Variants in PALM2AKAP2 observed in about 807,000 individuals in gnomAD.
The protein encoded by PALM2AKAP2 is PALM2 and AKAP2 fusion, also known as PALM2-AKAP2 fusion protein.
A neutral mutation model predicts 71.5 loss-of-function variants in PALM2AKAP2; 37 were observed. That is an observed-to-expected ratio of 0.52 (90% CI 0.40 to 0.68). The LOEUF (loss-of-function observed/expected upper bound fraction) is 0.68. Ranked by LOEUF, PALM2AKAP2 falls within the 30% of genes least tolerant of loss-of-function variation. The pLI is 0.00. For synonymous variants in PALM2AKAP2, 468 were observed against 478.8 expected (o/e 0.98, Z 0.29); for missense variants, 1,224 against 1,191.8 (o/e 1.03, Z -0.40).
chr9:110,102,218 C>T (rs1399613419), intron 1 of PALM2AKAP2, among the ~76,000 whole-genome samples: 1 of 152,150 alleles, frequency 6.6e-6, no homozygotes, highest in Non-Finnish European at 1.5e-5. Context: ...TTTCAGCCTC[C>T]ATTGCTAATC....
At chr9:109,767,125 C>T (rs1829166639) in intron 1 of PALM2AKAP2, among the ~76,000 whole-genome samples, 1 of 152,198 alleles carries the variant, frequency 6.6e-6, no homozygotes, top group African/African-American at 2.4e-5. Context: ...GTGATTTTCT[C>T]AAGTTTAAAC....
At chr9:110,102,734 A>G (rs892110965) in intron 1 of PALM2AKAP2, among the ~76,000 whole-genome samples, 3 of 152,146 alleles carry the variant, frequency 2.0e-5, no homozygotes, top group African/African-American at 7.2e-5. Flanking sequence ...AGACCACGTC[A>G]TTCCCCAGCC....
At chr9:109,945,438 T>G (rs1041845140) in intron 6 of PALM2AKAP2, 12 of 152,182 alleles carry the variant, frequency 7.9e-5, no homozygotes, top group Admixed American at 2.6e-4. Flanking sequence ...GAAACCTGGT[T>G]TGGATGCTTA....
chr9:109,741,543 C>T (rs907979748), intron 1 of PALM2AKAP2, among the ~76,000 whole-genome samples: 2 of 152,192 alleles, frequency 1.3e-5, no homozygotes, highest in African/African-American at 2.4e-5. Flanking sequence ...GAACAGTTTT[C>T]CCAAGCGATG....
At chr9:109,873,770 C>T (rs1372279148) in intron 2 of PALM2AKAP2, among the ~76,000 whole-genome samples, 2 of 152,138 alleles carry the variant, frequency 1.3e-5, no homozygotes, top group South Asian at 2.1e-4. Flanking sequence ...TACAAGTTCT[C>T]ATTCACCTCC....
intron 1 of PALM2AKAP2, among the ~76,000 whole-genome samples, chr9:110,119,201 G>A (rs1464119209): frequency 6.6e-6 from 1 of 151,962 alleles, no homozygotes; most frequent in Admixed American, 6.6e-5. Context: ...AAATTAGCTG[G>A]GTGTGGTGGT....
intron 1 of PALM2AKAP2, among the ~76,000 whole-genome samples, chr9:110,125,086 C>T (rs1835567229): frequency 6.6e-6 from 1 of 152,152 alleles, no homozygotes; most frequent in Non-Finnish European, 1.5e-5. Flanking sequence ...ATACCACATG[C>T]ATGTACACAC....
chr9:110,028,804 A>T (rs1174364608), intron 7 of PALM2AKAP2, among the ~76,000 whole-genome samples: 1 of 152,158 alleles, frequency 6.6e-6, no homozygotes, highest in Admixed American at 6.5e-5. Flanking sequence ...CCTAAAATTC[A>T]GATTTTACTG....
chr9:110,105,533 C>T (rs1835099925), intron 1 of PALM2AKAP2, among the ~76,000 whole-genome samples: 1 of 152,214 alleles, frequency 6.6e-6, no homozygotes, highest in Non-Finnish European at 1.5e-5. Flanking sequence ...GTATATATGT[C>T]ATTAGAAATA....
chr9:109,884,335 G>A (rs1359401754), intron 3 of PALM2AKAP2, among the ~76,000 whole-genome samples: 10 of 152,036 alleles, frequency 6.6e-5, no homozygotes, highest in Admixed American at 6.6e-4. Context: ...GGTGATGGTC[G>A]CCTGCAATCC....
chr9:110,013,118 G>C (rs1400478225), intron 6 of PALM2AKAP2, among the ~76,000 whole-genome samples: 1 of 152,182 alleles, frequency 6.6e-6, no homozygotes, highest in Non-Finnish European at 1.5e-5. Flanking sequence ...ATTGGATCCA[G>C]ATCTGCTCCC....
intron 1 of PALM2AKAP2, among the ~76,000 whole-genome samples, chr9:110,092,148 A>T (rs902797804): frequency 6.6e-6 from 1 of 152,210 alleles, no homozygotes; most frequent in African/African-American, 2.4e-5. Flanking sequence ...CCTGGCCAAC[A>T]TAGTGAAACT....
intron 6 of PALM2AKAP2, among the ~76,000 whole-genome samples, chr9:109,938,290 T>A (rs996044582): frequency 2.0e-5 from 3 of 152,210 alleles, no homozygotes; most frequent in Non-Finnish European, 4.4e-5. Context: ...AACATTCTCA[T>A]ATATGTATCC....
rs117342720 is a variant in PALM2AKAP2 at position 109,754,178 on chromosome 9, G to T, written c.6-26310G>T. On this transcript the variant is annotated intron_variant, in intron 1 of 6. Transcript: ENST00000374531. ...TAAAACAGAAAAAGTACCCTCTAAG[G>T]TATCCAAGGTAGCTTGGACTCTTAT... Among the ~76,000 whole-genome samples the T allele has an allele frequency of 4.1e-3, 617 of 152,168 alleles. 1 individual carries two copies. The highest frequency in any genetic ancestry group is 0.02 in the Middle Eastern group (6 of 294).
intron 1 of PALM2AKAP2, among the ~76,000 whole-genome samples, chr9:110,114,733 C>G (rs1835326171): frequency 6.6e-6 from 1 of 152,168 alleles, no homozygotes; most frequent in African/African-American, 2.4e-5. Flanking sequence ...AAGAGGGTCT[C>G]TGGAGGGTAA....
intron 1 of PALM2AKAP2, among the ~76,000 whole-genome samples, chr9:109,791,000 A>C (rs999966926): frequency 3.9e-5 from 6 of 152,188 alleles, no homozygotes; most frequent in Admixed American, 1.3e-4. Flanking sequence ...TGTGTGTTCA[A>C]AATTCAGTGT....
At chr9:109,943,079 C>G in intron 6 of PALM2AKAP2, 1 of 1,614,238 alleles carries the variant, frequency 6.2e-7, no homozygotes, top group East Asian at 2.2e-5. Flanking sequence ...GCCCAAGCCC[C>G]CAGCGCTGCA....
At chr9:109,735,957 A>G (rs577940927) in intron 1 of PALM2AKAP2, among the ~76,000 whole-genome samples, 1 of 152,344 alleles carries the variant, frequency 6.6e-6, no homozygotes, top group Admixed American at 6.5e-5. Context: ...TGAGAAGAAG[A>G]AAGCCAAGTA....
chr9:110,156,078 T>C (rs991231213), intron 2 of PALM2AKAP2, among the ~76,000 whole-genome samples: 2 of 152,240 alleles, frequency 1.3e-5, no homozygotes, highest in African/African-American at 4.8e-5. Context: ...AAATGCGTGC[T>C]GTGCCTGTTT....
Sources: gnomAD v4.1 joint callset for allele counts (sites outside exome capture counted in the v4.1 genomes callset) on GRCh38, gnomAD v4.1.1 for gene constraint, MANE v1.5 for transcripts, NCBI Gene and HGNC (gene_info 2026-07-23, HGNC 2026-07-21) for gene names.